SRGAP2C: variants seen among roughly 807,000 people sequenced by gnomAD.
SRGAP2C encodes the protein SLIT-ROBO Rho GTPase activating protein 2C, also known as SLIT-ROBO Rho GTPase-activating protein 2C.
SRGAP2C carries 15 observed loss-of-function variants against 25.1 expected under a neutral mutation model. The ratio of observed to expected loss-of-function variants is 0.60; its 90% confidence interval spans 0.40 to 0.92. SRGAP2C has a LOEUF of 0.92. Ranked by LOEUF, SRGAP2C falls within the 40% of genes least tolerant of loss-of-function variation. The pLI, the probability that SRGAP2C is intolerant of heterozygous loss-of-function variation, is 0.00. For synonymous variants in SRGAP2C, 44 were observed against 96.6 expected (o/e 0.46, Z 3.19); for missense variants, 144 against 264.4 (o/e 0.54, Z 3.16).
chr1:121,374,532 G>A lies in SRGAP2C; in HGVS notation c.703-294G>A, dbSNP rs587627426. ...GGTTTCAGGTATCAGGTGTTCAGGG[G>A]CAAGAGTAGTGGTACCTCCTTCAGA... is the stretch of plus-strand genomic sequence containing the variant. On this transcript the variant is annotated intron_variant, in intron 6 of 9. Coordinates refer to ENST00000367123, the MANE Select transcript of SRGAP2C (RefSeq NM_001329984.2). Among the ~76,000 whole-genome samples the A allele has an allele frequency of 4.9e-4, 75 of 152,254 alleles. No individual in the cohort carries two copies. In the South Asian group the frequency reaches 0.014, roughly 29 times the overall value.
intron 2 of SRGAP2C, among the ~76,000 whole-genome samples, chr1:121,217,528 A>G (rs1457046392): frequency 1.3e-5 from 2 of 149,654 alleles, no homozygotes; most frequent in African/African-American, 5.0e-5. Flanking sequence ...AGAAAAAAAG[A>G]GGGTTATTTT....
intron 3 of SRGAP2C, among the ~76,000 whole-genome samples, chr1:121,299,689 G>A (rs1415838003): frequency 1.9e-5 from 2 of 106,618 alleles, no homozygotes; most frequent in African/African-American, 4.0e-5. Flanking sequence ...CTGTGGTAAA[G>A]TAGAGGTTGC....
At chr1:121,212,437 G>C (rs1321829284) in intron 2 of SRGAP2C, among the ~76,000 whole-genome samples, 7 of 152,056 alleles carry the variant, frequency 4.6e-5, no homozygotes, top group Non-Finnish European at 1.0e-4. Context: ...GCCCAGAATG[G>C]TATTCTTAAT....
At chr1:121,320,914 C>A (rs1393250648) in intron 3 of SRGAP2C, among the ~76,000 whole-genome samples, 1 of 152,144 alleles carries the variant, frequency 6.6e-6, no homozygotes, top group Non-Finnish European at 1.5e-5. Flanking sequence ...ATAAACCCAG[C>A]CTAGGCCCTT....
intron 3 of SRGAP2C, among the ~76,000 whole-genome samples, chr1:121,295,489 A>G (rs1441596410): frequency 6.6e-6 from 1 of 151,482 alleles, no homozygotes; most frequent in Non-Finnish European, 1.5e-5. Context: ...GCAAATATAT[A>G]TCTTCTTACC....
chr1:121,239,210 AT>A (rs1365100178), intron 2 of SRGAP2C, among the ~76,000 whole-genome samples: 1 of 3,354 alleles, frequency 3.0e-4, no homozygotes, highest in African/African-American at 2.6e-3. Flanking sequence ...ATATATATAT[AT>A]ATATATATAT....
intron 4 of SRGAP2C, among the ~76,000 whole-genome samples, chr1:121,359,989 G>A (rs1448249873): frequency 9.2e-5 from 14 of 151,960 alleles, no homozygotes; most frequent in African/African-American, 3.4e-4. Flanking sequence ...GATTGTAAAT[G>A]CACCAATCAG....
chr1:121,282,516 AC>A (rs1657269021), intron 2 of SRGAP2C, among the ~76,000 whole-genome samples: 1 of 150,884 alleles, frequency 6.6e-6, no homozygotes, highest in Non-Finnish European at 1.5e-5. Flanking sequence ...CTGATTCAGT[AC>A]CTGGAAAGCC....
intron 2 of SRGAP2C, among the ~76,000 whole-genome samples, chr1:121,264,431 TC>T (rs1656713025): frequency 8.3e-6 from 1 of 120,994 alleles, no homozygotes; most frequent in South Asian, 3.2e-4. Flanking sequence ...TAGGAACAAT[TC>T]CATACTTCTT....
At chr1:121,188,130 G>A (rs1287314440) in intron 2 of SRGAP2C, among the ~76,000 whole-genome samples, 9 of 152,166 alleles carry the variant, frequency 5.9e-5, no homozygotes, top group Admixed American at 1.3e-4. Flanking sequence ...CCCGGTCTCC[G>A]CCCTCACCTA....
intron 5 of SRGAP2C, among the ~76,000 whole-genome samples, chr1:121,371,897 A>G (rs61805730): frequency 1.3e-5 from 2 of 148,718 alleles, no homozygotes; most frequent in African/African-American, 4.9e-5. Context: ...GATTCAGGTG[A>G]AAAAAGAGAA....
chr1:121,295,791 C>T (rs1190185215), intron 3 of SRGAP2C, among the ~76,000 whole-genome samples: 5 of 151,362 alleles, frequency 3.3e-5, no homozygotes, highest in South Asian at 4.2e-4. Flanking sequence ...GATGGAGTTT[C>T]GCTCTTGTTG....
At chr1:121,226,324 T>C (rs1655667092) in intron 2 of SRGAP2C, among the ~76,000 whole-genome samples, 1 of 146,650 alleles carries the variant, frequency 6.8e-6, no homozygotes, top group Admixed American at 6.9e-5. Flanking sequence ...TGATTTGATA[T>C]AGATTTATGA....
Position 121,374,947 on chromosome 1 carries a change from T to A in SRGAP2C, c.824T>A (p.Leu275His). The part of the protein sequence containing the change: ...FKYYIHDLSD[L>H]IDQCCDLGYH... ...TACTACATCCATGACCTATCTGACCTTATTGATGTAAGTGCTTAAAGCCAA... is the reference window on the plus strand; with the variant it reads ...TACTACATCCATGACCTATCTGACCATATTGATGTAAGTGCTTAAAGCCAA... Residue 275 changes from leucine (L) to histidine (H), a missense_variant, in exon 7 of 10, where the codon CTT (leucine) becomes CAT (histidine). Around this residue, in one of 5 missense-constraint regions of SRGAP2C, gnomAD observed 34 missense variants for 23.0 expected, o/e 1.48. Transcript: ENST00000367123. The A allele has an allele frequency of 1.3e-6, 1 of 777,350 alleles. No individual in the cohort carries two copies. Among genetic ancestry groups the A allele is most frequent in the South Asian group, 1.4e-5 (1 of 73,796 alleles). The allele number at this position is 777,350 out of a possible 1,614,324, so 48.2% of individuals were successfully genotyped here.
chr1:121,375,101 C>G (rs1453908615), intron 7 of SRGAP2C, 147 bp downstream of exon 7: 1 of 601,456 alleles, frequency 1.7e-6, no homozygotes, highest in Non-Finnish European at 3.0e-6. Context: ...GAGTGCTTGC[C>G]AAGCACCATG....
chr1:121,207,282 C>A (rs1466424799), intron 2 of SRGAP2C, among the ~76,000 whole-genome samples: 55 of 152,198 alleles, frequency 3.6e-4, no homozygotes, highest in Non-Finnish European at 7.4e-5. Context: ...TTTCCCTGTG[C>A]CCTGTAGGGA....
At chr1:121,285,430 ACT>A (rs1657341115) in intron 3 of SRGAP2C, among the ~76,000 whole-genome samples, 1 of 144,518 alleles carries the variant, frequency 6.9e-6, no homozygotes, top group East Asian at 3.0e-4. Context: ...ACACACTCAC[ACT>A]CACACACCCC....
At position 121,355,291 on chromosome 1, in the gene SRGAP2C, G is replaced by C. The variant is rs1165293019; in HGVS notation, c.424-10002G>C. On this transcript the variant is annotated intron_variant, in intron 4 of 9. Transcript: ENST00000367123. ...ATGGATACTGCGCCTGACAACTGCGGGTAGATACACATTCTTTTTTTTTTT... is the reference window on the plus strand; with the variant it reads ...ATGGATACTGCGCCTGACAACTGCGCGTAGATACACATTCTTTTTTTTTTT... Among the ~76,000 whole-genome samples the C allele has an allele frequency of 1.2e-4, 17 of 146,700 alleles. 1 individual carries two copies. In the South Asian group the frequency reaches 3.7e-3, roughly 32 times the overall value.
At chr1:121,239,945 GTATA>G (rs1242860971) in intron 2 of SRGAP2C, among the ~76,000 whole-genome samples, 2 of 150,568 alleles carry the variant, frequency 1.3e-5, no homozygotes, top group East Asian at 3.9e-4. Context: ...GGAGACAAGA[GTATA>G]TCTGAATAGT....
Sources: gnomAD v4.1 joint callset for allele counts (sites outside exome capture counted in the v4.1 genomes callset) on GRCh38, gnomAD v4.1.1 for gene constraint, gnomAD v4.1.1 regional missense constraint, MANE v1.5 for transcripts, NCBI Gene and HGNC (gene_info 2026-07-23, HGNC 2026-07-21) for gene names.